The following SEC24B variants were observed in gnomAD, a reference collection of about 807,000 sequenced individuals.
The protein encoded by SEC24B is protein transport protein Sec24B.
In SEC24B, 45 loss-of-function variants were observed where a neutral mutation model predicts 142.8. That is an observed-to-expected ratio of 0.32 (90% CI 0.25 to 0.40). The LOEUF is 0.40. Ranked by LOEUF, SEC24B falls within the 10% of genes least tolerant of loss-of-function variation. The probability of loss-of-function intolerance (pLI) is 1.00; values close to 1 mark genes in which losing one functional copy is unlikely to be tolerated. For missense variants in SEC24B, 1,409 were observed against 1,526.8 expected (o/e 0.92, Z 1.29); for synonymous variants, 574 against 568.2 (o/e 1.01, Z -0.15).
chr4:109,434,683 A>G (rs1315564422), intron 1 of SEC24B, among the ~76,000 whole-genome samples: 3 of 152,182 alleles, frequency 2.0e-5, no homozygotes, highest in Non-Finnish European at 4.4e-5. Context: ...GTTTGCTTGT[A>G]GTGTTTGAAA....
intron 22 of SEC24B, among the ~76,000 whole-genome samples, chr4:109,536,607 G>T (rs1339828200): frequency 2.0e-5 from 3 of 152,162 alleles, no homozygotes; most frequent in South Asian, 2.1e-4. Flanking sequence ...TTGGCTCACT[G>T]CAAGCTCTGC....
At chr4:109,537,108 T>C (rs1291317881) in intron 22 of SEC24B, among the ~76,000 whole-genome samples, 1 of 152,122 alleles carries the variant, frequency 6.6e-6, no homozygotes, top group Admixed American at 6.5e-5. Context: ...AGGATTTTAA[T>C]AGGCAATTCA....
chr4:109,470,306 G>T (rs537407961), intron 2 of SEC24B, among the ~76,000 whole-genome samples: 3 of 152,186 alleles, frequency 2.0e-5, no homozygotes, highest in Non-Finnish European at 2.9e-5. Context: ...TAAAATGTAG[G>T]TTCTAATTCA....
chr4:109,434,593 T>C (rs764888849), intron 1 of SEC24B, among the ~76,000 whole-genome samples: 9 of 152,310 alleles, frequency 5.9e-5, no homozygotes, highest in Middle Eastern at 3.4e-3. Flanking sequence ...AAATATGCTA[T>C]ATAAGTGTAA....
At chr4:109,506,572 A>G in intron 7 of SEC24B, 60 bp downstream of exon 7, 1 of 1,149,966 alleles carries the variant, frequency 8.7e-7, no homozygotes, top group Non-Finnish European at 1.2e-6. Context: ...ATGACTTTCA[A>G]AAATAGTAAA....
intron 3 of SEC24B, among the ~76,000 whole-genome samples, chr4:109,481,305 A>G (rs1393876159): frequency 2.6e-5 from 4 of 152,218 alleles, no homozygotes; most frequent in African/African-American, 9.7e-5. Context: ...ATCACTGCCC[A>G]CCAAAAATGC....
At chr4:109,487,688 A>T (rs1396500146) in intron 4 of SEC24B, among the ~76,000 whole-genome samples, 1 of 152,252 alleles carries the variant, frequency 6.6e-6, no homozygotes, top group Non-Finnish European at 1.5e-5. Flanking sequence ...ATTAATCTAA[A>T]TAGCAAAATA....
At position 109,530,348 on chromosome 4, in the gene SEC24B, G is replaced by A. The variant is rs1319692248; in HGVS notation, c.3136G>A (p.Val1046Ile). 6.2e-6 allele frequency: 10 copies of A among 1,613,994 alleles called. No homozygotes were observed. Among genetic ancestry groups the A allele is most frequent in the South Asian group, 2.2e-5 (2 of 91,086 alleles). The stretch of plus-strand genomic sequence containing the variant: ...TGCAAGAGATGCCTTAGTGAATGCT[G>A]TAGTGGACTCATTGTCTGCATATGG... ...SDARDALVNA[V>I]VDSLSAYGST... The change falls in exon 19 of 24, where the codon GTA becomes ATA. Residue 1046 changes from valine to isoleucine, a missense_variant. Around this residue, in one of 2 missense-constraint regions of SEC24B, gnomAD observed 700 missense variants for 853.3 expected, o/e 0.82. Coordinates refer to ENST00000265175, the MANE Select transcript of SEC24B (RefSeq NM_006323.5).
Position 109,482,995 on chromosome 4 carries a change from C to CATAT in SEC24B, c.1165+1215_1165+1216insTATA, listed in dbSNP as rs1561117047. Among the ~76,000 whole-genome samples, 22 of 103,706 alleles carry CATAT rather than the reference C, an allele frequency of 2.1e-4. 2 individuals carry two copies. Among genetic ancestry groups the CATAT allele is most frequent in the African/African-American group, 7.0e-4 (17 of 24,282 alleles). The allele number at this position is 103,706 out of a possible 152,430, so 68.0% of individuals were successfully genotyped here. A position where few individuals can be genotyped will look rare whatever the true frequency, so the allele number is the denominator to read the frequency against. On this transcript the variant is annotated intron_variant, in intron 4 of 23. Coordinates refer to ENST00000265175, the MANE Select transcript of SEC24B (RefSeq NM_006323.5). Reference sequence around the variant, plus strand: ...ATATATATATACACACACACACACACACACACACATATTATACATATGTTT... The same window carrying CATAT: ...ATATATATATACACACACACACACACATATACACACACATATTATACATATGTTT...
chr4:109,512,169 C>T (rs1207618296), intron 9 of SEC24B, 86 bp downstream of exon 9: 1 of 1,234,842 alleles, frequency 8.1e-7, no homozygotes, highest in Non-Finnish European at 1.1e-6. Context: ...TTTCTCTCTT[C>T]ATTGCTTTAA....
chr4:109,463,631 C>T lies in SEC24B; in HGVS notation c.864C>T (p.Asn288=), dbSNP rs756673983. 5.6e-6 allele frequency: 9 copies of T among 1,612,860 alleles called. No homozygotes were observed. Among genetic ancestry groups the T allele is most frequent in the South Asian group, 5.5e-5 (5 of 91,024 alleles). Residue 288 remains asparagine (N), a synonymous_variant, in exon 2 of 24, where the codon AAC becomes AAT. Coordinates refer to ENST00000265175, the MANE Select transcript of SEC24B (RefSeq NM_006323.5). Reference sequence around the variant, plus strand: ...GATCCCTGGCTGTAGCGAACAACAACCCAACCATTACTGGTAGGTTGAATG... The same window carrying T: ...GATCCCTGGCTGTAGCGAACAACAATCCAACCATTACTGGTAGGTTGAATG... ...HTGSLAVANN[N]PTITVADSLS...
intron 2 of SEC24B, among the ~76,000 whole-genome samples, chr4:109,469,765 G>C (rs1252591695): frequency 1.3e-5 from 2 of 152,128 alleles, no homozygotes; most frequent in Non-Finnish European, 2.9e-5. Context: ...TGCACATAAT[G>C]CTAGCCACAA....
intron 10 of SEC24B, among the ~76,000 whole-genome samples, chr4:109,516,138 C>G (rs1018549185): frequency 1.3e-5 from 2 of 152,152 alleles, no homozygotes; most frequent in African/African-American, 4.8e-5. Flanking sequence ...TCCAGGTAAA[C>G]CAATAGCTGG....
At chr4:109,457,545 CT>C (rs1191407157) in intron 1 of SEC24B, among the ~76,000 whole-genome samples, 1 of 152,210 alleles carries the variant, frequency 6.6e-6, no homozygotes, top group Non-Finnish European at 1.5e-5. Context: ...AATCTCACTT[CT>C]GTGATAGTGG....
intron 1 of SEC24B, among the ~76,000 whole-genome samples, chr4:109,452,627 G>A (rs1447177157): frequency 6.6e-6 from 1 of 152,142 alleles, no homozygotes; most frequent in Non-Finnish European, 1.5e-5. Context: ...AATTTAATTT[G>A]TATTTTCCTA....
At chr4:109,435,596 A>C (rs532719460) in intron 1 of SEC24B, among the ~76,000 whole-genome samples, 1 of 152,362 alleles carries the variant, frequency 6.6e-6, no homozygotes, top group East Asian at 1.9e-4. Context: ...TGAACACTCA[A>C]GAATGCCAGG....
At chr4:109,532,510 T>C (rs1725035237) in intron 20 of SEC24B, 129 bp from the exon 21 acceptor site, 1 of 668,588 alleles carries the variant, frequency 1.5e-6, no homozygotes. Context: ...ATATAATCAG[T>C]ATTTTTTATA....
intron 4 of SEC24B, among the ~76,000 whole-genome samples, chr4:109,487,268 A>T (rs1489237848): frequency 1.3e-5 from 2 of 152,172 alleles, no homozygotes; most frequent in African/African-American, 4.8e-5. Context: ...GAAAAGTTTG[A>T]CAAAGGATTT....
chr4:109,469,495 A>G (rs1385047923), intron 2 of SEC24B, among the ~76,000 whole-genome samples: 1 of 152,214 alleles, frequency 6.6e-6, no homozygotes, highest in Admixed American at 6.5e-5. Context: ...TCCTATTATT[A>G]TTTAAGCAAC....
Sources: gnomAD v4.1 joint callset for allele counts (sites outside exome capture counted in the v4.1 genomes callset) on GRCh38, gnomAD v4.1.1 for gene constraint, gnomAD v4.1.1 regional missense constraint, MANE v1.5 for transcripts, NCBI Gene and HGNC (gene_info 2026-07-23, HGNC 2026-07-21) for gene names.